Variants in MEP1B observed in about 807,000 individuals in gnomAD.
MEP1B encodes the protein N-benzoyl-L-tyrosyl-P-amino-benzoic acid hydrolase subunit beta.
A neutral mutation model predicts 84.6 loss-of-function variants in MEP1B; 80 were observed. That is an observed-to-expected ratio of 0.95 (90% CI 0.79 to 1.14). The LOEUF (loss-of-function observed/expected upper bound fraction) is 1.14, where lower values mean the gene tolerates loss of function less well. Ranked by LOEUF, MEP1B falls within the 50% of genes most tolerant of loss-of-function variation. The pLI is 0.00. For synonymous variants in MEP1B, 273 were observed against 288.1 expected, an observed-to-expected ratio of 0.95 and a Z score of 0.53; for missense variants, 766 against 855.1, an observed-to-expected ratio of 0.90 and a Z score of 1.30.
intron 2 of MEP1B, among the ~76,000 whole-genome samples, 190 bp downstream of exon 2, chr18:32,192,030 A>T (rs2040806702): frequency 6.6e-6 from 1 of 152,048 alleles, no homozygotes; most frequent in South Asian, 2.1e-4. Context: ...CCCAGCAAAG[A>T]AATAGATGGT....
chr18:32,217,822 CGA>C lies in MEP1B; in HGVS notation c.1951_1952del (p.Asp651HisfsTer33), dbSNP rs761464028. 1.2e-6 allele frequency: 2 copies of C among 1,613,878 alleles called. No homozygotes were observed. Among genetic ancestry groups the C allele is most frequent in the Non-Finnish European group, 1.7e-6 (2 of 1,179,864 alleles). On this transcript the variant is annotated frameshift_variant, in exon 14 of 15. Transcript: ENST00000269202. LOFTEE classifies it high-confidence loss of function. ...GERCEKRGST[R>X]DTIVIAVSST... ...AAGGTGTGAAAAGAGAGGCTCCACC[CGA>C]GACACCATAGTCATTGCTGTTTCAT...
At chr18:32,194,400 C>G (rs7230791) in intron 4 of MEP1B, among the ~76,000 whole-genome samples, 5,556 of 152,236 alleles carry the variant, frequency 0.036, 306 homozygotes, top group African/African-American at 0.12. Flanking sequence ...GCTTGAAACT[C>G]TTCCATAGTT....
intron 5 of MEP1B, among the ~76,000 whole-genome samples, chr18:32,199,668 G>A (rs200876484): frequency 1.6e-5 from 2 of 126,932 alleles, no homozygotes; most frequent in South Asian, 2.6e-4. Context: ...CCTTTCGTTC[G>A]TTCCTTCCTT....
At chr18:32,192,555 A>G in intron 2 of MEP1B, 91 bp from the exon 3 acceptor site, 6 of 1,191,058 alleles carry the variant, frequency 5.0e-6, no homozygotes, top group Non-Finnish European at 7.4e-6. Flanking sequence ...GCCAAAAGAA[A>G]CTTGCTTAGT....
rs768745688 is a variant in MEP1B at position 32,207,376 on chromosome 18, T to C, written c.672T>C (p.Ile224=). ...TCCAAAATGGAACAGAGCCGACAATTGTCACAAGAATCTCAGACTTTGAGG... is the reference window on the plus strand; with the variant it reads ...TCCAAAATGGAACAGAGCCGACAATCGTCACAAGAATCTCAGACTTTGAGG... ...TAFQNGTEPT[I]VTRISDFEDV... The change falls in exon 8 of 15, where the codon ATT becomes ATC. Residue 224 remains isoleucine, a synonymous_variant. Transcript: ENST00000269202. 45 of 1,613,492 alleles carry C rather than the reference T, an allele frequency of 2.8e-5. 1 individual carries two copies. Among genetic ancestry groups the C allele is most frequent in the Non-Finnish European group, 3.4e-6 (4 of 1,179,666 alleles).
Position 32,213,144 on chromosome 18 carries a change from T to A in MEP1B, c.1164T>A (p.Tyr388Ter). Residue 388 changes from tyrosine to a stop codon, truncating the protein, a stop_gained, in exon 11 of 15, where the codon TAT becomes TAA. Transcript: ENST00000269202. LOFTEE classifies it high-confidence loss of function. ...TACCCACTGGGAGCTGGCAACTTTA[T>A]CATGTAACATTGAAAGTGACCAAGA... ...KEIPTGSWQL[Y>*]HVTLKVTKKF... The A allele has an allele frequency of 1.2e-6, 2 of 1,613,828 alleles. No homozygotes were observed. Among genetic ancestry groups the A allele is most frequent in the Non-Finnish European group, 8.5e-7 (1 of 1,179,708 alleles).
intron 5 of MEP1B, among the ~76,000 whole-genome samples, chr18:32,201,162 T>C (rs1330711486): frequency 6.6e-6 from 1 of 152,218 alleles, no homozygotes; most frequent in African/African-American, 2.4e-5. Flanking sequence ...GTATGCTCTT[T>C]TACATTCTGT....
intron 5 of MEP1B, among the ~76,000 whole-genome samples, chr18:32,202,209 C>T (rs979565187): frequency 6.6e-6 from 1 of 152,208 alleles, no homozygotes. Context: ...TAGGACCTGG[C>T]CCATGTGATG....
chr18:32,213,152 C>CA lies in MEP1B; in HGVS notation c.1173dup (p.Leu392IlefsTer8). 6.2e-7 allele frequency: 1 copy of CA among 1,613,962 alleles called. No homozygotes were observed. Among genetic ancestry groups the CA allele is most frequent in the Non-Finnish European group, 8.5e-7 (1 of 1,179,846 alleles). ...GGGAGCTGGCAACTTTATCATGTAA[C>CA]ATTGAAAGTGACCAAGAAGTTTAGA... On this transcript the variant is annotated frameshift_variant, in exon 11 of 15. Transcript: ENST00000269202. LOFTEE classifies it high-confidence loss of function.
At chr18:32,192,993 T>C (rs2040817509) in intron 4 of MEP1B, among the ~76,000 whole-genome samples, 176 bp downstream of exon 4, 1 of 152,162 alleles carries the variant, frequency 6.6e-6, no homozygotes, top group African/African-American at 2.4e-5. Context: ...ATGCATATAA[T>C]TGTGTCTTCA....
rs192510440 is a variant in MEP1B at position 32,206,660 on chromosome 18, G to A, written c.548-592G>A. On this transcript the variant is annotated intron_variant, in intron 7 of 14. Transcript: ENST00000269202. ...GGAGTCTCATTCTGTCACCTAGGCT[G>A]GAGTGCAGTAGTGCAATCTTGGCTC... is the stretch of plus-strand genomic sequence containing the variant. Among the ~76,000 whole-genome samples, 369 of 152,082 alleles carry A rather than the reference G, an allele frequency of 2.4e-3. 2 individuals carry two copies. The highest frequency in any genetic ancestry group is 8.0e-3 in the African/African-American group (331 of 41,484).
At position 32,213,339 on chromosome 18, in the gene MEP1B, T is replaced by TTAC. The variant is rs1218036350; in HGVS notation, c.1361_1363dup (p.Tyr454dup). ...ATGGAACTCTGTATAGCCCTCCATT[T>TTAC]TACTCTTCTAAAGGTTATGCCTTTC... On this transcript the variant is annotated inframe_insertion, in exon 11 of 15. Coordinates refer to ENST00000269202, the MANE Select transcript of MEP1B (RefSeq NM_005925.3). 2 of 1,613,920 alleles carry TTAC rather than the reference T, an allele frequency of 1.2e-6. No homozygotes were observed. Among genetic ancestry groups the TTAC allele is most frequent in the Non-Finnish European group, 1.7e-6 (2 of 1,179,820 alleles).
chr18:32,196,319 G>A lies in MEP1B; in HGVS notation c.250+834G>A, dbSNP rs1007832017. 1.1e-5 allele frequency: 8 copies of A among 704,510 alleles called. No homozygotes were observed. Among genetic ancestry groups the A allele is most frequent in the Admixed American group, 2.0e-5 (1 of 49,602 alleles). The allele number at this position is 704,510 out of a possible 1,614,324, so 43.6% of individuals were successfully genotyped here. A position where few individuals can be genotyped will look rare whatever the true frequency, so the allele number is the denominator to read the frequency against. On this transcript the variant is annotated intron_variant, in intron 5 of 14. Transcript: ENST00000269202. The surrounding 1 kb of genome is among the most constrained non-coding windows in gnomAD (Gnocchi z 4.4). ...GGGATGTTGTTGCTGGAGCCGTTGC[G>A]GTAGATCTCATGCATGGCGCGCCGC...
Position 32,197,234 on chromosome 18 carries a change from T to C in MEP1B, c.250+1749T>C, listed in dbSNP as rs988645908. Among the ~76,000 whole-genome samples, 6 of 152,308 alleles carry C rather than the reference T, an allele frequency of 3.9e-5. No homozygotes were observed. In the East Asian group the frequency reaches 9.6e-4, roughly 24 times the overall value. ...TCCAAAACTAAGAACAGCTTTTCTATAGAAGAAATTTAAATATGTTGGAAA... is the reference window on the plus strand; with the variant it reads ...TCCAAAACTAAGAACAGCTTTTCTACAGAAGAAATTTAAATATGTTGGAAA... On this transcript the variant is annotated intron_variant, in intron 5 of 14. Coordinates refer to ENST00000269202, the MANE Select transcript of MEP1B (RefSeq NM_005925.3).
In MEP1B at chr18:32,211,896, T is replaced by A. The variant is rs534060770; in HGVS notation, c.1135+1180T>A. On this transcript the variant is annotated intron_variant, in intron 10 of 14. Coordinates refer to ENST00000269202, the MANE Select transcript of MEP1B (RefSeq NM_005925.3). ...GCCATTTTCCTCCTGTTTTCAACAA[T>A]GAGAAACAATCTGAAATACAGGCGA... Among the ~76,000 whole-genome samples the A allele has an allele frequency of 2.8e-3, 421 of 152,124 alleles. 1 individual carries two copies. The highest frequency in any genetic ancestry group is 5.2e-3 in the Non-Finnish European group (352 of 67,986).
chr18:32,207,255 G>A lies in MEP1B; in HGVS notation c.551G>A (p.Arg184Lys). 1 of 1,601,076 alleles carries A rather than the reference G, an allele frequency of 6.2e-7. No individual in the cohort carries two copies. The highest frequency in any genetic ancestry group is 8.6e-7 in the Non-Finnish European group (1 of 1,169,454). ...AGATTTTTTATTTATCCTTTAGGCA[G>A]AGAGCACAATTTTAACACCTATAGT... The part of the protein sequence containing the change: ...RIMWDRILSG[R>K]EHNFNTYSDD... The change falls in exon 8 of 15, where the codon AGA becomes AAA. Residue 184 changes from arginine (R) to lysine (K), a missense_variant. Physicochemically the swap from Arg to Lys is conservative, Grantham distance 26 (BLOSUM62 2). Transcript: ENST00000269202.
rs1473759522 is a variant in MEP1B, at chr18:32,195,440, T to C, written c.205T>C (p.Tyr69His). The change falls in exon 5 of 15, where the codon TAT becomes CAT. Residue 69 changes from tyrosine to histidine, a missense_variant. Physicochemically the swap from Tyr to His is moderately conservative, Grantham distance 83. Transcript: ENST00000269202. ...TAGAAATTCCATCATTGGAGAAAAGTATAGATGGCCTCATACCATTCCATA... is the reference window on the plus strand; with the variant it reads ...TAGAAATTCCATCATTGGAGAAAAGCATAGATGGCCTCATACCATTCCATA... ...QIRNSIIGEKYRWPHTIPYVL... is the reference protein window; with the variant it reads ...QIRNSIIGEKHRWPHTIPYVL... 2 of 1,612,632 alleles carry C rather than the reference T, an allele frequency of 1.2e-6. No homozygotes were observed. The highest frequency in any genetic ancestry group is 1.7e-6 in the Non-Finnish European group (2 of 1,178,864).
chr18:32,203,193 A>G, intron 6 of MEP1B, 183 bp downstream of exon 6: 1 of 512,460 alleles, frequency 2.0e-6, no homozygotes, highest in Non-Finnish European at 3.5e-6. Flanking sequence ...ATTCCCATAC[A>G]TGTAACCGCC....
Position 32,215,109 on chromosome 18 carries a change from C to A in MEP1B, c.1607C>A (p.Pro536His). 6.2e-7 allele frequency: 1 copy of A among 1,600,402 alleles called. No homozygotes were observed. The highest frequency in any genetic ancestry group is 8.5e-7 in the Non-Finnish European group (1 of 1,173,608). Residue 536 changes from proline (P) to histidine (H), a missense_variant, in exon 12 of 15, where the codon CCT becomes CAT. Transcript: ENST00000269202. ...AATGGAAACTATTTCTGGGACAGGC[C>A]TTCTAAAGTGGGAACAGTGGCTTTG... is the stretch of plus-strand genomic sequence containing the variant. ...TDNGNYFWDRPSKVGTVALFS... is the reference protein window; with the variant it reads ...TDNGNYFWDRHSKVGTVALFS...
Sources: allele counts gnomAD v4.1 joint callset (sites outside exome capture counted in the v4.1 genomes callset), GRCh38; gene constraint gnomAD v4.1.1; non-coding constraint Gnocchi (gnomAD v3.1); transcripts MANE v1.5; gene names NCBI Gene and HGNC (gene_info 2026-07-23, HGNC 2026-07-21).